The following CYP4F22 variants were observed in gnomAD, a reference collection of about 807,000 sequenced individuals.
The protein encoded by CYP4F22 is cytochrome P450 family 4 subfamily F member 22, also known as ultra-long-chain fatty acid omega-hydroxylase.
In CYP4F22, 37 loss-of-function variants were observed where a neutral mutation model predicts 60.4. The ratio of observed to expected loss-of-function variants is 0.61; its 90% CI spans 0.47 to 0.81. CYP4F22 has a LOEUF of 0.81. Among genes scored for constraint, CYP4F22 ranks in the 30% least tolerant of loss-of-function variants. The probability of loss-of-function intolerance (pLI) is 0.00; values close to 1 mark genes in which losing one functional copy is unlikely to be tolerated. For missense variants in CYP4F22, 655 were observed against 715.0 expected (o/e 0.92, Z 0.96); for synonymous variants, 258 against 280.5 (o/e 0.92, Z 0.80).
intron 1 of CYP4F22, among the ~76,000 whole-genome samples, chr19:15,510,093 T>A (rs967129461): frequency 6.6e-6 from 1 of 151,926 alleles, no homozygotes; most frequent in African/African-American, 2.4e-5. Context: ...GCAATCCTCC[T>A]ACCTCAGCCT....
chr19:15,537,977 A>G lies in CYP4F22; in HGVS notation c.655A>G (p.Asn219Asp). The change falls in exon 7 of 14, where the codon AAC (asparagine) becomes GAC (aspartate). Residue 219 changes from asparagine (N) to aspartate (D), a missense_variant. Asn to Asp is a conservative substitution (Grantham distance 23). Around this residue, in one of 3 missense-constraint regions of CYP4F22, gnomAD observed 430 missense variants for 457.1 expected, o/e 0.94. Coordinates refer to ENST00000269703, the MANE Select transcript of CYP4F22 (RefSeq NM_173483.4). ...DSLQKCVFSY[N>D]SNCQEKMSDY... The stretch of plus-strand genomic sequence containing the variant: ...TCTTCAGAAATGTGTCTTCAGCTAC[A>G]ACAGCAACTGCCAAGAGTGAGTGTG... The G allele has an allele frequency of 1.9e-6, 3 of 1,614,122 alleles. No individual in the cohort carries two copies. Among genetic ancestry groups the G allele is most frequent in the Non-Finnish European group, 2.5e-6 (3 of 1,180,002 alleles).
At chr19:15,550,210 C>T (rs1971578203) in intron 12 of CYP4F22, among the ~76,000 whole-genome samples, 2 of 152,032 alleles carry the variant, frequency 1.3e-5, no homozygotes, top group South Asian at 4.1e-4. Context: ...GGATTACAAG[C>T]GTGAGCCACC....
At position 15,544,020 on chromosome 19, in the gene CYP4F22, A is replaced by T. The variant is rs200174659; in HGVS notation, c.989A>T (p.Asp330Val). ...GACGAGGATATCCGAGCCGAAGCAGACACCTTCATGTTTGAGGGTGAGGAT... is the reference window on the plus strand; with the variant it reads ...GACGAGGATATCCGAGCCGAAGCAGTCACCTTCATGTTTGAGGGTGAGGAT... ...LSDEDIRAEA[D>V]TFMFEGHDTT... The change falls in exon 9 of 14, where the codon GAC (aspartate) becomes GTC (valine). Residue 330 changes from aspartate to valine, a missense_variant. By Grantham distance (152) the Asp-to-Val change is radical. Transcript: ENST00000269703. 1.4e-4 allele frequency: 226 copies of T among 1,613,988 alleles called. 1 individual carries two copies. The highest frequency in any genetic ancestry group is 1.8e-4 in the Non-Finnish European group (214 of 1,180,042).
intron 1 of CYP4F22, among the ~76,000 whole-genome samples, chr19:15,509,904 C>CCTTT (rs1246966485): frequency 0.012 from 1,055 of 86,746 alleles, 16 homozygotes; most frequent in African/African-American, 0.03. Context: ...TTCCTTCCTT[C>CCTTT]CTTTCTTTCT....
intron 1 of CYP4F22, among the ~76,000 whole-genome samples, chr19:15,509,910 T>TTCC (rs1568350870): frequency 0.014 from 1,831 of 127,734 alleles, 46 homozygotes; most frequent in East Asian, 0.058. Context: ...CCTTCCTTTC[T>TTCC]TTCTTTCCTT....
rs1417478665 is a variant in CYP4F22, at chr19:15,550,773, C to T, written c.1418+17C>T. 2 of 1,613,596 alleles carry T rather than the reference C, an allele frequency of 1.2e-6. No individual in the cohort carries two copies. Among genetic ancestry groups the T allele is most frequent in the Non-Finnish European group, 1.7e-6 (2 of 1,179,620 alleles). ...AGGACCCAGGTAACCCCTCTATTTC[C>T]CCTAGTCCAAGCCAGCTGTGTAGGA... On this transcript the variant is annotated intron_variant, in intron 13 of 13. Coordinates refer to ENST00000269703, the MANE Select transcript of CYP4F22 (RefSeq NM_173483.4).
At chr19:15,534,147 T>C (rs1971371695) in intron 4 of CYP4F22, among the ~76,000 whole-genome samples, 1 of 152,238 alleles carries the variant, frequency 6.6e-6, no homozygotes, top group African/African-American at 2.4e-5. Context: ...TAGCCAACAG[T>C]TGGTCAATTA....
At chr19:15,539,044 A>C (rs1971429883) in intron 7 of CYP4F22, among the ~76,000 whole-genome samples, 1 of 152,232 alleles carries the variant, frequency 6.6e-6, no homozygotes, top group Admixed American at 6.5e-5. Flanking sequence ...TTGAGACACA[A>C]TTCACATACT....
intron 2 of CYP4F22, among the ~76,000 whole-genome samples, chr19:15,524,613 T>C (rs1971259521): frequency 6.6e-6 from 1 of 150,926 alleles, no homozygotes; most frequent in African/African-American, 2.4e-5. Flanking sequence ...ATCATGCCAC[T>C]GCACTCCAGC....
chr19:15,545,068 C>G (rs1913934302), intron 10 of CYP4F22, among the ~76,000 whole-genome samples: 1 of 150,254 alleles, frequency 6.7e-6, no homozygotes, highest in Admixed American at 6.7e-5. Flanking sequence ...TCCCCACCCC[C>G]CCACAAAAAA....
At position 15,551,454 on chromosome 19, in the gene CYP4F22, C is replaced by T. The variant is rs1366318298; in HGVS notation, c.1579C>T (p.Leu527=). 6.4e-7 allele frequency: 1 copy of T among 1,565,920 alleles called. No homozygotes were observed. The highest frequency in any genetic ancestry group is 2.4e-5 in the East Asian group (1 of 41,588). The part of the protein sequence containing the change: ...ENGLWLKVEP[L]PPRA ...CGGGCTCTGGCTCAAGGTGGAGCCG[C>T]TGCCTCCGCGGGCCTGAGCGTGGGC... Residue 527 remains leucine, a synonymous_variant, in exon 14 of 14, where the codon CTG becomes TTG. Coordinates refer to ENST00000269703, the MANE Select transcript of CYP4F22 (RefSeq NM_173483.4).
At chr19:15,521,961 A>G (rs112368745) in intron 1 of CYP4F22, among the ~76,000 whole-genome samples, 2,974 of 152,030 alleles carry the variant, frequency 0.02, 109 homozygotes, top group African/African-American at 0.068. Flanking sequence ...CCTGGCCAGC[A>G]TGGTGAAACT....
Position 15,544,038 on chromosome 19 carries a change from G to A in CYP4F22, c.1006+1G>A. 1.2e-6 allele frequency: 2 copies of A among 1,614,104 alleles called. No individual in the cohort carries two copies. Among genetic ancestry groups the A allele is most frequent in the Non-Finnish European group, 1.7e-6 (2 of 1,180,020 alleles). On this transcript the variant is annotated splice_donor_variant, in intron 9 of 13. Transcript: ENST00000269703. LOFTEE classifies it high-confidence loss of function. ...GAAGCAGACACCTTCATGTTTGAGG[G>A]TGAGGATGTGGGGTGAGGCTGGAGG...
At chr19:15,524,838 A>G (rs1308866089) in intron 2 of CYP4F22, among the ~76,000 whole-genome samples, 2 of 152,186 alleles carry the variant, frequency 1.3e-5, no homozygotes, top group Non-Finnish European at 2.9e-5. Context: ...CAACTGAAAA[A>G]GAAGAAAAAG....
chr19:15,533,514 C>T (rs1971364878), intron 4 of CYP4F22, among the ~76,000 whole-genome samples: 1 of 148,946 alleles, frequency 6.7e-6, no homozygotes, highest in African/African-American at 2.5e-5. Context: ...AAAATGTGAT[C>T]TTTTTGTGTC....
chr19:15,540,814 G>T, intron 8 of CYP4F22, 97 bp downstream of exon 8: 1 of 1,493,150 alleles, frequency 6.7e-7, no homozygotes, highest in Non-Finnish European at 9.2e-7. Flanking sequence ...ATTAGGCGTG[G>T]TGGCTCACAC....
chr19:15,549,748 T>G (rs1274468256), intron 12 of CYP4F22, among the ~76,000 whole-genome samples: 1 of 151,740 alleles, frequency 6.6e-6, no homozygotes, highest in Non-Finnish European at 1.5e-5. Flanking sequence ...GAAGATTGTT[T>G]GAGGCCAGAA....
intron 11 of CYP4F22, among the ~76,000 whole-genome samples, chr19:15,548,611 G>C (rs1179296258): frequency 6.6e-6 from 1 of 152,128 alleles, no homozygotes; most frequent in Non-Finnish European, 1.5e-5. Flanking sequence ...ATACAGCAGG[G>C]TGCAGACATT....
At chr19:15,509,926 T>TTCC (rs1568350934) in intron 1 of CYP4F22, among the ~76,000 whole-genome samples, 2 of 127,056 alleles carry the variant, frequency 1.6e-5, no homozygotes, top group African/African-American at 3.2e-5. Flanking sequence ...TCCTTCCTTC[T>TTCC]TTCTTTCTTT....
Sources: gnomAD v4.1 joint callset for allele counts (sites outside exome capture counted in the v4.1 genomes callset) on GRCh38, gnomAD v4.1.1 for gene constraint, gnomAD v4.1.1 regional missense constraint, MANE v1.5 for transcripts, NCBI Gene and HGNC (gene_info 2026-07-23, HGNC 2026-07-21) for gene names.